Variants in PTPRT observed in about 807,000 individuals in gnomAD.
PTPRT encodes receptor-type tyrosine-protein phosphatase T.
A neutral mutation model predicts 176.8 loss-of-function variants in PTPRT; 56 were observed. The observed-to-expected ratio is 0.32, with a 90% CI of 0.26 to 0.40. PTPRT has a LOEUF of 0.40. Ranked by LOEUF, PTPRT falls within the 10% of genes least tolerant of loss-of-function variation. PTPRT has a pLI of 1.00. For missense variants in PTPRT, 1,540 were observed against 1,908.2 expected (o/e 0.81, Z 3.60); for synonymous variants, 783 against 739.0 (o/e 1.06, Z -0.96).
At chr20:42,909,940 G>A (rs1464196841) in intron 1 of PTPRT, among the ~76,000 whole-genome samples, 3 of 152,118 alleles carry the variant, frequency 2.0e-5, no homozygotes, top group Non-Finnish European at 4.4e-5. Flanking sequence ...GATGCCAATC[G>A]GTATTTCAGA....
intron 1 of PTPRT, among the ~76,000 whole-genome samples, chr20:43,051,911 C>CA (rs377141088): frequency 6.6e-6 from 1 of 151,738 alleles, no homozygotes; most frequent in Non-Finnish European, 1.5e-5. Flanking sequence ...AAACAATTAT[C>CA]AAAAAAAATT....
intron 9 of PTPRT, among the ~76,000 whole-genome samples, chr20:42,384,701 C>T (rs2058727884): frequency 6.6e-6 from 1 of 152,118 alleles, no homozygotes; most frequent in African/African-American, 2.4e-5. Flanking sequence ...TTTCATAGCT[C>T]CATTTTACAT....
At chr20:42,961,418 T>C (rs894969943) in intron 1 of PTPRT, among the ~76,000 whole-genome samples, 3 of 152,214 alleles carry the variant, frequency 2.0e-5, no homozygotes, top group Non-Finnish European at 4.4e-5. Flanking sequence ...AATTGCGTGC[T>C]GGTTCAATAA....
intron 7 of PTPRT, among the ~76,000 whole-genome samples, chr20:42,520,471 C>T (rs1428807683): frequency 3.3e-5 from 5 of 152,138 alleles, no homozygotes; most frequent in South Asian, 4.2e-4. Flanking sequence ...CCAGGCACCA[C>T]GGCTTAGATT....
chr20:43,064,422 G>A (rs549354263), intron 1 of PTPRT, among the ~76,000 whole-genome samples: 1 of 152,298 alleles, frequency 6.6e-6, no homozygotes, highest in South Asian at 2.1e-4. Flanking sequence ...TGTTGAGGTT[G>A]TTATAAGAGT....
At chr20:42,589,476 C>T (rs1212381608) in intron 7 of PTPRT, among the ~76,000 whole-genome samples, 2 of 152,228 alleles carry the variant, frequency 1.3e-5, no homozygotes, top group Non-Finnish European at 2.9e-5. Flanking sequence ...AGCAGAAATA[C>T]TTAATGTGTC....
chr20:42,573,745 CTTTCTTTTTTT>C (rs1194812416), intron 7 of PTPRT, among the ~76,000 whole-genome samples: 1 of 115,458 alleles, frequency 8.7e-6, no homozygotes, highest in Admixed American at 9.3e-5. Flanking sequence ...CCCTTTCTTT[CTTTCTTTTTTT>C]TTTTTTTTTT....
chr20:43,000,274 A>G (rs1057350329), intron 1 of PTPRT, among the ~76,000 whole-genome samples: 5 of 152,226 alleles, frequency 3.3e-5, no homozygotes, highest in African/African-American at 1.2e-4. Flanking sequence ...CAAGTTATGT[A>G]TCAAAGAAAA....
intron 6 of PTPRT, among the ~76,000 whole-genome samples, chr20:42,724,279 C>G (rs748760840): frequency 6.6e-6 from 1 of 152,178 alleles, no homozygotes; most frequent in Non-Finnish European, 1.5e-5. Flanking sequence ...GTGGTTGTTT[C>G]AATTATTCTG....
intron 5 of PTPRT, among the ~76,000 whole-genome samples, chr20:42,758,110 C>G (rs923148245): frequency 1.2e-4 from 18 of 152,184 alleles, no homozygotes; most frequent in African/African-American, 4.3e-4. Context: ...AGACCATATT[C>G]TCAGTGCCTG....
At position 42,950,754 on chromosome 20, in the gene PTPRT, ATC is replaced by A. The variant is rs562963790; in HGVS notation, c.89-64824_89-64823del. On this transcript the variant is annotated intron_variant, in intron 1 of 30. Coordinates refer to ENST00000373187, the MANE Select transcript of PTPRT (RefSeq NM_007050.6). ...GCCCTTAAATATTAATATGTCTGCA[ATC>A]TCTGTTTTGCACCCCAAAGTGCAAG... Among the ~76,000 whole-genome samples, 39 of 152,346 alleles carry A rather than the reference ATC, an allele frequency of 2.6e-4. 1 individual carries two copies. The South Asian group carries it at 8.1e-3, about 32-fold the overall frequency.
At chr20:42,587,420 A>G (rs1285709563) in intron 7 of PTPRT, among the ~76,000 whole-genome samples, 1 of 152,094 alleles carries the variant, frequency 6.6e-6, no homozygotes, top group Non-Finnish European at 1.5e-5. Flanking sequence ...CATAAGATAA[A>G]CTCATATCTT....
intron 13 of PTPRT, among the ~76,000 whole-genome samples, chr20:42,251,168 G>A (rs1376875812): frequency 1.3e-5 from 2 of 152,206 alleles, no homozygotes; most frequent in African/African-American, 2.4e-5. Context: ...TTTGGAGGAA[G>A]GGTTGTCTCT....
chr20:43,014,520 A>G (rs1429338686), intron 1 of PTPRT, among the ~76,000 whole-genome samples: 1 of 152,206 alleles, frequency 6.6e-6, no homozygotes, highest in Non-Finnish European at 1.5e-5. Context: ...GACCACAGCC[A>G]TATATCCACA....
chr20:42,394,941 GC>G (rs2058834866), intron 9 of PTPRT, among the ~76,000 whole-genome samples: 1 of 152,132 alleles, frequency 6.6e-6, no homozygotes, highest in South Asian at 2.1e-4. Context: ...AAATGTTCTT[GC>G]CCCTCTTGCT....
intron 6 of PTPRT, among the ~76,000 whole-genome samples, chr20:42,730,439 T>C (rs1365729241): frequency 6.6e-6 from 1 of 152,110 alleles, no homozygotes; most frequent in African/African-American, 2.4e-5. Context: ...GGATAAAGAA[T>C]AGAGGGAAAA....
chr20:42,168,518 A>G (rs1270499927), intron 16 of PTPRT, among the ~76,000 whole-genome samples: 2 of 152,152 alleles, frequency 1.3e-5, no homozygotes, highest in African/African-American at 4.8e-5. Flanking sequence ...TCTGAAATCT[A>G]AGTCTATCCA....
Position 42,621,586 on chromosome 20 carries a change from T to C in PTPRT, c.1153+56280A>G, listed in dbSNP as rs114823883. On this transcript the variant is annotated intron_variant, in intron 7 of 30. Transcript: ENST00000373187. The stretch of plus-strand genomic sequence containing the variant: ...CCTCATCCTCCTTTAAATATGGAAT[T>C]CCTTGGCTTCTGAGTGATCCTATAG... Among the ~76,000 whole-genome samples the C allele has an allele frequency of 6.4e-3, 973 of 152,312 alleles. 12 individuals are homozygous for C. Among genetic ancestry groups the C allele is most frequent in the African/African-American group, 0.023 (941 of 41,548 alleles).
At chr20:42,159,374 A>G (rs1270442578) in intron 17 of PTPRT, among the ~76,000 whole-genome samples, 4 of 151,490 alleles carry the variant, frequency 2.6e-5, no homozygotes. Context: ...CTGTCTATAG[A>G]ATCTTGTTTT....
Sources: allele counts gnomAD v4.1 joint callset (sites outside exome capture counted in the v4.1 genomes callset), GRCh38; gene constraint gnomAD v4.1.1; transcripts MANE v1.5; gene names NCBI Gene and HGNC (gene_info 2026-07-23, HGNC 2026-07-21).